The following HOOK3 variants were observed in gnomAD, a reference collection of about 807,000 sequenced individuals.
HOOK3 encodes the protein protein Hook homolog 3.
A neutral mutation model predicts 116.3 loss-of-function variants in HOOK3; 24 were observed. That is an observed-to-expected ratio of 0.21 (90% CI 0.15 to 0.29). The LOEUF is 0.29. Among genes scored for constraint, HOOK3 ranks in the 10% least tolerant of loss-of-function variants. The pLI, the probability that HOOK3 is intolerant of heterozygous loss-of-function variation, is 1.00. For synonymous variants in HOOK3, 275 were observed against 283.0 expected, an observed-to-expected ratio of 0.97 and a Z score of 0.28; for missense variants, 632 against 830.2, an observed-to-expected ratio of 0.76 and a Z score of 2.93.
chr8:42,907,825 A>AAC (rs1400938685), intron 2 of HOOK3, among the ~76,000 whole-genome samples: 3 of 150,958 alleles, frequency 2.0e-5, no homozygotes, highest in African/African-American at 7.3e-5. Context: ...GCAAAAAAAA[A>AAC]AAAAAAAAAA....
At chr8:42,941,228 T>C (rs1264581985) in intron 4 of HOOK3, among the ~76,000 whole-genome samples, 1 of 148,770 alleles carries the variant, frequency 6.7e-6, no homozygotes, top group Non-Finnish European at 1.5e-5. Context: ...ATTAAAGGCA[T>C]GAGCCGGCTG....
chr8:42,948,167 A>G (rs553463623), intron 5 of HOOK3, among the ~76,000 whole-genome samples: 4 of 152,144 alleles, frequency 2.6e-5, no homozygotes, highest in Admixed American at 6.5e-5. Flanking sequence ...CTTGCCCAAT[A>G]CTTCCTACCT....
chr8:42,983,804 C>A (rs887892174), intron 14 of HOOK3, among the ~76,000 whole-genome samples: 3 of 152,096 alleles, frequency 2.0e-5, no homozygotes, highest in Non-Finnish European at 4.4e-5. Context: ...GCATAACTAG[C>A]TTTATGTGTA....
intron 4 of HOOK3, among the ~76,000 whole-genome samples, chr8:42,933,676 T>C (rs548834908): frequency 6.6e-6 from 1 of 152,232 alleles, no homozygotes; most frequent in Non-Finnish European, 1.5e-5. Context: ...GAAAAATACA[T>C]GAGAGATACT....
intron 13 of HOOK3, 48 bp downstream of exon 13, chr8:42,974,242 A>G: frequency 7.3e-7 from 1 of 1,363,198 alleles, no homozygotes; most frequent in African/African-American, 1.4e-5. Context: ...TTTTTTTTTG[A>G]GACGGGAGTT....
chr8:42,906,358 A>G (rs1807311087), intron 2 of HOOK3, 100 bp downstream of exon 2: 9 of 836,776 alleles, frequency 1.1e-5, no homozygotes, highest in Non-Finnish European at 1.8e-5. Context: ...ACGTGTGTAG[A>G]GTAAGAGTTG....
At chr8:42,939,216 C>T (rs1563295984) in intron 4 of HOOK3, among the ~76,000 whole-genome samples, 1 of 152,226 alleles carries the variant, frequency 6.6e-6, no homozygotes, top group Non-Finnish European at 1.5e-5. Context: ...ATGGCCCGTT[C>T]TCAATGAGCT....
intron 4 of HOOK3, among the ~76,000 whole-genome samples, chr8:42,936,602 G>A (rs1043274445): frequency 2.0e-5 from 3 of 152,032 alleles, no homozygotes; most frequent in African/African-American, 7.2e-5. Flanking sequence ...AGCATGAAGG[G>A]GTGTTGAATT....
At chr8:42,945,645 T>C (rs1808212807) in intron 5 of HOOK3, among the ~76,000 whole-genome samples, 1 of 152,220 alleles carries the variant, frequency 6.6e-6, no homozygotes, top group Non-Finnish European at 1.5e-5. Context: ...CATTCAGTTA[T>C]TTTATTGTGT....
chr8:42,975,990 C>G (rs1174624953), intron 13 of HOOK3, among the ~76,000 whole-genome samples: 1 of 151,942 alleles, frequency 6.6e-6, no homozygotes, highest in Admixed American at 6.6e-5. Flanking sequence ...CAGGCGTGAG[C>G]CACCGCGCCC....
intron 6 of HOOK3, among the ~76,000 whole-genome samples, chr8:42,951,498 T>TA (rs1276744380): frequency 6.6e-6 from 1 of 152,170 alleles, no homozygotes; most frequent in African/African-American, 2.4e-5. Flanking sequence ...ATGTAAAACA[T>TA]AAAACTGTAA....
intron 1 of HOOK3, among the ~76,000 whole-genome samples, chr8:42,904,563 C>T (rs551740912): frequency 2.0e-4 from 30 of 152,074 alleles, no homozygotes; most frequent in African/African-American, 7.2e-4. Context: ...CATCCGACTC[C>T]GCCTCCCAAA....
chr8:42,953,732 T>G (rs1808384223), intron 6 of HOOK3, among the ~76,000 whole-genome samples: 1 of 152,116 alleles, frequency 6.6e-6, no homozygotes, highest in South Asian at 2.1e-4. Context: ...AATTTATACT[T>G]AAAGTGGTTA....
At chr8:42,939,328 C>T (rs1014723622) in intron 4 of HOOK3, among the ~76,000 whole-genome samples, 5 of 151,016 alleles carry the variant, frequency 3.3e-5, no homozygotes, top group Middle Eastern at 3.5e-3. Context: ...CCGGACGGGG[C>T]GGCTGGTCGG....
At chr8:42,934,960 T>G (rs1487890997) in intron 4 of HOOK3, among the ~76,000 whole-genome samples, 2 of 152,236 alleles carry the variant, frequency 1.3e-5, no homozygotes, top group Non-Finnish European at 2.9e-5. Flanking sequence ...CCTTGAGGAA[T>G]CACCACACTG....
intron 5 of HOOK3, among the ~76,000 whole-genome samples, chr8:42,944,012 C>A (rs1389951438): frequency 6.6e-6 from 1 of 152,156 alleles, no homozygotes; most frequent in African/African-American, 2.4e-5. Flanking sequence ...AGAAATCACT[C>A]CCTGACTTAA....
chr8:42,985,657 ATTGC>A (rs1395564656), intron 14 of HOOK3, among the ~76,000 whole-genome samples: 1 of 151,948 alleles, frequency 6.6e-6, no homozygotes, highest in South Asian at 2.1e-4. Flanking sequence ...AGGCAGAAGA[ATTGC>A]TTGAACCCAG....
At chr8:42,897,226 C>T (rs1807012655) in intron 1 of HOOK3, 38 bp downstream of exon 1, 3 of 1,208,936 alleles carry the variant, frequency 2.5e-6, no homozygotes, top group South Asian at 4.2e-5. Context: ...AGACCCCCTC[C>T]CCCCGCCACC....
At chr8:43,005,841 C>T (rs925177156) in intron 17 of HOOK3, among the ~76,000 whole-genome samples, 1 of 146,796 alleles carries the variant, frequency 6.8e-6, no homozygotes, top group South Asian at 2.2e-4. Context: ...GATTACAGGC[C>T]CCCCCCCACC....
Sources: gnomAD v4.1 joint callset for allele counts (sites outside exome capture counted in the v4.1 genomes callset) on GRCh38, gnomAD v4.1.1 for gene constraint, MANE v1.5 for transcripts, NCBI Gene and HGNC (gene_info 2026-07-23, HGNC 2026-07-21) for gene names.